Variants in CACNA1H observed in about 807,000 individuals in gnomAD.
CACNA1H encodes the protein calcium voltage-gated channel subunit alpha1 H.
In CACNA1H, 149 loss-of-function variants were observed where a neutral mutation model predicts 192.5. The ratio of observed to expected loss-of-function variants is 0.77; its 90% confidence interval spans 0.68 to 0.89. CACNA1H has a LOEUF of 0.89. Ranked by LOEUF, CACNA1H falls within the 40% of genes least tolerant of loss-of-function variation. The probability of loss-of-function intolerance (pLI) is 0.00; values close to 1 mark genes in which losing one functional copy is unlikely to be tolerated. For missense variants in CACNA1H, 4,257 were observed against 3,423.5 expected, an observed-to-expected ratio of 1.24 and a Z score of -6.08; for synonymous variants, 2,202 against 1,475.2, an observed-to-expected ratio of 1.49 and a Z score of -11.29.
intron 2 of CACNA1H, among the ~76,000 whole-genome samples, chr16:1,158,260 G>A (rs754315498): frequency 2.6e-5 from 4 of 152,194 alleles, no homozygotes; most frequent in Non-Finnish European, 5.9e-5. Flanking sequence ...GACTGGGAGC[G>A]TTGCAGGGCT....
At chr16:1,205,970 C>G (rs1296642211) in intron 11 of CACNA1H, 134 bp from the exon 12 acceptor site, 2 of 798,888 alleles carry the variant, frequency 2.5e-6, no homozygotes, top group Non-Finnish European at 3.9e-6. Flanking sequence ...CTTGATGCAG[C>G]CATACCCTCT....
chr16:1,196,374 C>T (rs1231759568), intron 5 of CACNA1H, among the ~76,000 whole-genome samples: 1 of 152,254 alleles, frequency 6.6e-6, no homozygotes. Flanking sequence ...CTGTCTGGCG[C>T]ATCCTGGTGT....
At chr16:1,195,704 G>A in intron 4 of CACNA1H, 139 bp downstream of exon 4, 1 of 1,092,014 alleles carries the variant, frequency 9.2e-7, no homozygotes, top group South Asian at 1.5e-5. Context: ...CCCTGTCTGG[G>A]ACTCCGGAGA....
chr16:1,215,256 A>T lies in CACNA1H; in HGVS notation c.5054A>T (p.Asp1685Val). 6.2e-7 allele frequency: 1 copy of T among 1,605,248 alleles called. No homozygotes were observed. The highest frequency in any genetic ancestry group is 8.5e-7 in the Non-Finnish European group (1 of 1,176,054). Residue 1685 changes from aspartate to valine, a missense_variant, in exon 29 of 35, where the codon GAC becomes GTC. Asp to Val is a radical substitution (Grantham distance 152). Coordinates refer to ENST00000348261, the MANE Select transcript of CACNA1H (RefSeq NM_021098.3). ...CGGCCACACAGGTGGAACCAGCTGG[A>T]CCTGGCCATCGTGCTGCTGTCACTC... ...RFFKDRWNQL[D>V]LAIVLLSLMG...
chr16:1,156,491 C>A (rs900547595), intron 2 of CACNA1H, among the ~76,000 whole-genome samples: 9 of 152,050 alleles, frequency 5.9e-5, no homozygotes, highest in Admixed American at 5.2e-4. Context: ...CTTTCCAGAG[C>A]GCTTCAGATT....
intron 17 of CACNA1H, 51 bp downstream of exon 17, chr16:1,209,463 G>A (rs1834867797): frequency 1.3e-6 from 2 of 1,580,306 alleles, no homozygotes; most frequent in Non-Finnish European, 1.7e-6. Context: ...TCTGTCTGGG[G>A]CAGGTTCCCT....
intron 2 of CACNA1H, among the ~76,000 whole-genome samples, chr16:1,186,005 A>ACGGT (rs776523785): frequency 1.3e-5 from 1 of 75,324 alleles, no homozygotes; most frequent in Non-Finnish European, 2.5e-5. Flanking sequence ...AGGTGAGTAG[A>ACGGT]CGGCGTGCGT....
chr16:1,182,247 C>G (rs1965551569), intron 2 of CACNA1H, among the ~76,000 whole-genome samples: 1 of 152,204 alleles, frequency 6.6e-6, no homozygotes, highest in Non-Finnish European at 1.5e-5. Context: ...TGGGTGCAGC[C>G]TGGCGGACAT....
At chr16:1,186,875 G>T (rs1262483890) in intron 2 of CACNA1H, among the ~76,000 whole-genome samples, 1 of 152,162 alleles carries the variant, frequency 6.6e-6, no homozygotes, top group Non-Finnish European at 1.5e-5. Context: ...TCCCACTCCC[G>T]TGGCCTCGAG....
rs578041058 is a variant in CACNA1H at position 1,210,668 on chromosome 16, G to A, written c.4038+17G>A. 1.3e-6 allele frequency: 2 copies of A among 1,599,320 alleles called. No individual in the cohort carries two copies. Among genetic ancestry groups the A allele is most frequent in the African/African-American group, 1.3e-5 (1 of 75,004 alleles). ...ATGGTGAAGGTACCGCGGGGCCCGG[G>A]GACTGCCCTTGTTCCCAGGTCCCCG... On this transcript the variant is annotated intron_variant, in intron 20 of 34. Transcript: ENST00000348261.
chr16:1,209,452 G>A (rs778028957), intron 17 of CACNA1H, 40 bp downstream of exon 17: 38 of 1,587,276 alleles, frequency 2.4e-5, no homozygotes, highest in Admixed American at 8.4e-5. Flanking sequence ...ACTCGCCTTC[G>A]TCTGTCTGGG....
intron 2 of CACNA1H, among the ~76,000 whole-genome samples, chr16:1,183,138 T>A (rs2151764770): frequency 6.8e-6 from 1 of 147,444 alleles, no homozygotes; most frequent in South Asian, 2.1e-4. Context: ...TTCCAGGAAG[T>A]TCTGTGTCAG....
chr16:1,196,062 C>A, intron 5 of CACNA1H, 39 bp downstream of exon 5: 1 of 1,509,844 alleles, frequency 6.6e-7, no homozygotes, highest in Non-Finnish European at 9.2e-7. Context: ...GATCAACAGG[C>A]TTGCGTGTCC....
intron 2 of CACNA1H, among the ~76,000 whole-genome samples, chr16:1,184,023 G>A (rs1350434977): frequency 6.6e-6 from 1 of 152,224 alleles, no homozygotes; most frequent in African/African-American, 2.4e-5. Flanking sequence ...AGGGACAGAA[G>A]AGTCAAGGCC....
chr16:1,201,243 C>T (rs758890242), intron 8 of CACNA1H, among the ~76,000 whole-genome samples: 1 of 152,156 alleles, frequency 6.6e-6, no homozygotes. Flanking sequence ...CAGAAGCAGA[C>T]AGACGTCCCC....
intron 2 of CACNA1H, among the ~76,000 whole-genome samples, chr16:1,192,037 C>T (rs1048819424): frequency 7.7e-4 from 117 of 152,272 alleles, no homozygotes; most frequent in Admixed American, 5.9e-4. Context: ...CAACCTTGCC[C>T]CTCTATGGTC....
At chr16:1,197,851 G>A (rs1454183559) in intron 5 of CACNA1H, among the ~76,000 whole-genome samples, 3 of 152,190 alleles carry the variant, frequency 2.0e-5, no homozygotes, top group African/African-American at 7.2e-5. Context: ...GGGAAAGGAC[G>A]TCTTGGGGGA....
In CACNA1H at chr16:1,184,683, G is replaced by C. The variant is rs142465238; in HGVS notation, c.300-10289G>C. Among the ~76,000 whole-genome samples, 578 of 152,340 alleles carry C rather than the reference G, an allele frequency of 3.8e-3. 3 individuals are homozygous for C. Among genetic ancestry groups the C allele is most frequent in the Non-Finnish European group, 6.7e-3 (457 of 68,016 alleles). On this transcript the variant is annotated intron_variant, in intron 2 of 34. Transcript: ENST00000348261. ...CATGTGAGGGCCTTCTGCTCAGCGA[G>C]AGTGGAGGCCACGTGGCAGGAGGAG...
intron 1 of CACNA1H, 123 bp downstream of exon 1, chr16:1,153,593 C>T (rs1321152089): frequency 6.3e-6 from 3 of 473,510 alleles, no homozygotes; most frequent in Non-Finnish European, 6.3e-6. Flanking sequence ...GGGCGGGGGG[C>T]GCGTTTGTCT....
Sources: allele counts gnomAD v4.1 joint callset (sites outside exome capture counted in the v4.1 genomes callset), GRCh38; gene constraint gnomAD v4.1.1; transcripts MANE v1.5; gene names NCBI Gene and HGNC (gene_info 2026-07-23, HGNC 2026-07-21).